Variants in LIPC observed in about 807,000 individuals in gnomAD.
LIPC encodes hepatic triacylglycerol lipase.
In LIPC, 44 loss-of-function variants were observed where a neutral mutation model predicts 50.7. The ratio of observed to expected loss-of-function variants is 0.87; its 90% CI spans 0.68 to 1.11. LIPC has a LOEUF of 1.11. LIPC is among the 50% of genes most tolerant of loss of function. LIPC has a pLI of 0.00. For missense variants in LIPC, 697 were observed against 648.2 expected (o/e 1.08, Z -0.82); for synonymous variants, 271 against 256.4 (o/e 1.06, Z -0.54).
chr15:58,486,019 T>C (rs1195497666), intron 1 of LIPC, among the ~76,000 whole-genome samples: 1 of 152,234 alleles, frequency 6.6e-6, no homozygotes, highest in African/African-American at 2.4e-5. Flanking sequence ...CTCCCTGTTC[T>C]TCCTAGAAGT....
At chr15:58,441,935 T>C (rs1893521354) in intron 1 of LIPC, among the ~76,000 whole-genome samples, 1 of 152,192 alleles carries the variant, frequency 6.6e-6, no homozygotes, top group Non-Finnish European at 1.5e-5. Flanking sequence ...GTGCTGCACA[T>C]GTTTCTGTTC....
chr15:58,534,178 C>T (rs2140897353), intron 1 of LIPC, among the ~76,000 whole-genome samples: 1 of 152,308 alleles, frequency 6.6e-6, no homozygotes, highest in South Asian at 2.1e-4. Flanking sequence ...TTAGTTTGGC[C>T]TTGCTGAGTC....
Position 58,441,010 on chromosome 15 carries a change from G to T in LIPC, c.88+8890G>T, listed in dbSNP as rs971363471. Among the ~76,000 whole-genome samples, 122 of 152,282 alleles carry T rather than the reference G, an allele frequency of 8.0e-4. 2 individuals are homozygous for T. Among genetic ancestry groups the T allele is most frequent in the African/African-American group, 2.6e-3 (110 of 41,566 alleles). ...GCAGGGCAGACCACTGATGAGGGGG[G>T]TTGTTTTTAAAAGGCTGCCTTTCCC... On this transcript the variant is annotated intron_variant, in intron 1 of 8. Transcript: ENST00000299022.
At chr15:58,504,140 A>G (rs774492402) in intron 1 of LIPC, among the ~76,000 whole-genome samples, 9 of 152,202 alleles carry the variant, frequency 5.9e-5, no homozygotes, top group Non-Finnish European at 8.8e-5. Flanking sequence ...GCCACAGGGC[A>G]CCCTGGCTGG....
chr15:58,538,215 T>C, intron 1 of LIPC, 118 bp from the exon 2 acceptor site: 1 of 985,386 alleles, frequency 1.0e-6, no homozygotes, highest in South Asian at 1.3e-5. Context: ...CATTCTGATC[T>C]CCAGCATCTC....
In LIPC at chr15:58,515,533, C is replaced by CACATATATATAT. The variant is rs147594972; in HGVS notation, c.89-22799_89-22798insCATATATATATA. ...AAAGAGGTCTTTGCATATACACACA[C>CACATATATATAT]ATATATATATATATATATATCTCAA... On this transcript the variant is annotated intron_variant, in intron 1 of 8. Transcript: ENST00000299022. Among the ~76,000 whole-genome samples the CACATATATATAT allele has an allele frequency of 6.2e-3, 879 of 141,702 alleles. 7 individuals are homozygous for CACATATATATAT. The highest frequency in any genetic ancestry group is 0.01 in the South Asian group (46 of 4,460). The allele number at this position is 141,702 out of a possible 152,430, so 93.0% of individuals were successfully genotyped here.
At chr15:58,564,113 A>T in intron 8 of LIPC, 2 of 264,492 alleles carry the variant, frequency 7.6e-6, no homozygotes, top group Non-Finnish European at 1.5e-5. Flanking sequence ...TGCCCAAAGA[A>T]AATCTTTTAA....
At chr15:58,449,298 T>G (rs554267015) in intron 1 of LIPC, among the ~76,000 whole-genome samples, 10 of 152,324 alleles carry the variant, frequency 6.6e-5, no homozygotes, top group African/African-American at 2.4e-4. Context: ...TGGGTTGTAT[T>G]TGCAAGGATG....
intron 1 of LIPC, among the ~76,000 whole-genome samples, chr15:58,490,789 C>G (rs971326829): frequency 5.9e-5 from 9 of 152,170 alleles, no homozygotes; most frequent in African/African-American, 2.2e-4. Context: ...AGACGTGCTA[C>G]CTGGTCGCTT....
chr15:58,519,420 A>G (rs925779102), intron 1 of LIPC, among the ~76,000 whole-genome samples: 11 of 150,888 alleles, frequency 7.3e-5, no homozygotes, highest in African/African-American at 2.7e-4. Flanking sequence ...CAAAAAAAAA[A>G]AAAAGAAAAA....
At chr15:58,485,850 G>A (rs777223321) in intron 1 of LIPC, among the ~76,000 whole-genome samples, 1 of 152,234 alleles carries the variant, frequency 6.6e-6, no homozygotes, top group Non-Finnish European at 1.5e-5. Flanking sequence ...TACTTTCCAT[G>A]TAGATTACGG....
intron 1 of LIPC, among the ~76,000 whole-genome samples, chr15:58,451,870 G>A (rs72740886): frequency 1.2e-3 from 187 of 152,290 alleles, no homozygotes; most frequent in Non-Finnish European, 2.4e-3. Context: ...GTGGGCTATC[G>A]TAGCTAAGCT....
intron 1 of LIPC, among the ~76,000 whole-genome samples, chr15:58,496,103 GCAGTGGTTCT>G (rs1266015700): frequency 9.9e-5 from 15 of 152,124 alleles, no homozygotes; most frequent in African/African-American, 3.6e-4. Context: ...TGGATCTAGG[GCAGTGGTTCT>G]CAGTGGTTCT....
intron 6 of LIPC, among the ~76,000 whole-genome samples, chr15:58,555,892 C>G (rs1312484845): frequency 2.6e-5 from 4 of 152,186 alleles, no homozygotes; most frequent in African/African-American, 9.7e-5. Flanking sequence ...CTGCCTCTCT[C>G]TTCTCCGCCC....
chr15:58,534,117 G>A (rs1449007607), intron 1 of LIPC, among the ~76,000 whole-genome samples: 2 of 152,184 alleles, frequency 1.3e-5, no homozygotes, highest in Non-Finnish European at 2.9e-5. Context: ...ACCACAATAG[G>A]AAACGTAGGA....
intron 1 of LIPC, among the ~76,000 whole-genome samples, chr15:58,523,679 G>A (rs920037441): frequency 5.3e-4 from 80 of 152,100 alleles, no homozygotes; most frequent in African/African-American, 1.9e-3. Context: ...AACACTTTGG[G>A]AGCCCGAGGC....
chr15:58,547,294 G>T (rs1365222517), intron 5 of LIPC, among the ~76,000 whole-genome samples: 1 of 152,142 alleles, frequency 6.6e-6, no homozygotes, highest in Non-Finnish European at 1.5e-5. Flanking sequence ...CTACCTCCTG[G>T]GTGGATGAGC....
chr15:58,459,168 G>T (rs547174630), intron 1 of LIPC, among the ~76,000 whole-genome samples: 1 of 152,060 alleles, frequency 6.6e-6, no homozygotes. Context: ...AAAACCAAAG[G>T]CCCAGTGGAC....
intron 1 of LIPC, among the ~76,000 whole-genome samples, chr15:58,532,108 T>G (rs4775071): frequency 0.8 from 120,951 of 152,066 alleles, 51,897 homozygotes; most frequent in Non-Finnish European, 0.97. Context: ...AAGAAAAAAG[T>G]AAATGGGAGG....
Sources: gnomAD v4.1 joint callset for allele counts (sites outside exome capture counted in the v4.1 genomes callset) on GRCh38, gnomAD v4.1.1 for gene constraint, MANE v1.5 for transcripts, NCBI Gene and HGNC (gene_info 2026-07-23, HGNC 2026-07-21) for gene names.